Variants in FAM163A observed in about 807,000 individuals in gnomAD.
FAM163A encodes the protein protein FAM163A.
Under a neutral mutation model 12.0 loss-of-function variants are expected in FAM163A, and 7 were observed. That is an observed-to-expected ratio of 0.58 (90% CI 0.33 to 1.10). FAM163A has a LOEUF of 1.10. Among genes scored for constraint, FAM163A ranks in the 50% least tolerant of loss-of-function variants. FAM163A has a pLI of 0.03. For synonymous variants in FAM163A, 101 were observed against 91.0 expected, an observed-to-expected ratio of 1.11 and a Z score of -0.62; for missense variants, 202 against 218.6, an observed-to-expected ratio of 0.92 and a Z score of 0.48.
At chr1:179,762,825 G>T (rs1321485028) in intron 1 of FAM163A, among the ~76,000 whole-genome samples, 1 of 152,196 alleles carries the variant, frequency 6.6e-6, no homozygotes, top group African/African-American at 2.4e-5. Flanking sequence ...GCCTAGGAGA[G>T]AAATACTTCA....
At chr1:179,749,507 G>A (rs763359487) in intron 1 of FAM163A, among the ~76,000 whole-genome samples, 33 of 152,196 alleles carry the variant, frequency 2.2e-4, no homozygotes, top group Non-Finnish European at 2.6e-4. Context: ...TAAAACCCAT[G>A]GAAACTGTGG....
chr1:179,757,274 A>C (rs1041977626), intron 1 of FAM163A, among the ~76,000 whole-genome samples: 3 of 152,210 alleles, frequency 2.0e-5, no homozygotes, highest in African/African-American at 7.2e-5. Context: ...GGGAAAGCAC[A>C]GGCAGAGGGA....
At chr1:179,794,170 C>T (rs1204635004) in intron 1 of FAM163A, among the ~76,000 whole-genome samples, 1 of 152,206 alleles carries the variant, frequency 6.6e-6, no homozygotes, top group African/African-American at 2.4e-5. Flanking sequence ...TAGCTGCCTC[C>T]CTAGCCCATC....
chr1:179,792,998 G>C (rs1443373759), intron 1 of FAM163A, among the ~76,000 whole-genome samples: 2 of 151,598 alleles, frequency 1.3e-5, no homozygotes, highest in Admixed American at 6.6e-5. Context: ...AGGGATTAGT[G>C]GGGAAGAGAA....
intron 1 of FAM163A, among the ~76,000 whole-genome samples, chr1:179,795,194 G>T (rs1283267039): frequency 6.6e-6 from 1 of 152,226 alleles, no homozygotes; most frequent in African/African-American, 2.4e-5. Context: ...AGCCGGGCAT[G>T]ATGGCTCATG....
intron 1 of FAM163A, among the ~76,000 whole-genome samples, chr1:179,760,508 A>G (rs2454200): frequency 0.75 from 113,952 of 152,144 alleles, 43,064 homozygotes; most frequent in East Asian, 1. Context: ...TAATTAGCTA[A>G]CTAAGTAAAG....
chr1:179,735,569 T>A, the FAM163A span, among the ~76,000 whole-genome samples: 2 of 137,876 alleles, frequency 1.5e-5, no homozygotes, highest in African/African-American at 5.4e-5. Context: ...AGTGGTGTGA[T>A]CTCCACTCAC....
At chr1:179,773,257 T>C (rs1688506200) in intron 1 of FAM163A, among the ~76,000 whole-genome samples, 2 of 152,032 alleles carry the variant, frequency 1.3e-5, no homozygotes, top group African/African-American at 4.8e-5. Flanking sequence ...CCAGGGATCC[T>C]TATGATAGAA....
intron 1 of FAM163A, among the ~76,000 whole-genome samples, chr1:179,768,228 T>A (rs1687772969): frequency 6.6e-6 from 1 of 152,244 alleles, no homozygotes; most frequent in Non-Finnish European, 1.5e-5. Context: ...TTTAACTGTT[T>A]ATCTGTTGAT....
At chr1:179,776,028 G>A (rs58204878) in intron 1 of FAM163A, among the ~76,000 whole-genome samples, 27,021 of 152,076 alleles carry the variant, frequency 0.18, 2,935 homozygotes, top group African/African-American at 0.31. Flanking sequence ...GCATTAGGGA[G>A]ATTGTTACAT....
the FAM163A span, among the ~76,000 whole-genome samples, chr1:179,737,402 T>C: frequency 6.6e-6 from 1 of 152,224 alleles, no homozygotes; most frequent in African/African-American, 2.4e-5. Flanking sequence ...GTTTCAGTTA[T>C]ACAAGATGAA....
chr1:179,772,426 C>A (rs1433633934), intron 1 of FAM163A, among the ~76,000 whole-genome samples: 2 of 152,168 alleles, frequency 1.3e-5, no homozygotes, highest in Admixed American at 1.3e-4. Context: ...GCTGCCGAGT[C>A]CATTTAAAGT....
intron 1 of FAM163A, among the ~76,000 whole-genome samples, chr1:179,787,283 AC>A (rs1690769214): frequency 6.6e-6 from 1 of 152,100 alleles, no homozygotes; most frequent in African/African-American, 2.4e-5. Context: ...CACCCTAAAC[AC>A]ATCTATTCCT....
the FAM163A span, among the ~76,000 whole-genome samples, chr1:179,733,396 C>T: frequency 6.6e-6 from 1 of 152,068 alleles, no homozygotes; most frequent in Non-Finnish European, 1.5e-5. Context: ...CAAGAAATGA[C>T]TATAAAACAC....
chr1:179,758,117 GCTTCC>G (rs1686286442), intron 1 of FAM163A, among the ~76,000 whole-genome samples: 3 of 152,186 alleles, frequency 2.0e-5, no homozygotes, highest in Non-Finnish European at 4.4e-5. Context: ...ATCCTCTCCA[GCTTCC>G]AGATTCTGCT....
chr1:179,734,591 C>T, the FAM163A span, among the ~76,000 whole-genome samples: 1 of 152,160 alleles, frequency 6.6e-6, no homozygotes, highest in East Asian at 1.9e-4. Flanking sequence ...TTGCTGTGTC[C>T]TCACGTGCTG....
intron 1 of FAM163A, among the ~76,000 whole-genome samples, chr1:179,800,743 A>G (rs891441897): frequency 6.6e-6 from 1 of 152,222 alleles, no homozygotes; most frequent in Non-Finnish European, 1.5e-5. Context: ...AATGAGGGGA[A>G]TAACAGAGTT....
chr1:179,752,849 G>A (rs1181273451), intron 1 of FAM163A, among the ~76,000 whole-genome samples: 2 of 152,132 alleles, frequency 1.3e-5, no homozygotes, highest in African/African-American at 2.4e-5. Context: ...TTGTGGGGGG[G>A]ATGTAAAATG....
intron 1 of FAM163A, among the ~76,000 whole-genome samples, chr1:179,756,011 T>C (rs985593213): frequency 3.3e-5 from 5 of 152,216 alleles, no homozygotes; most frequent in Non-Finnish European, 7.3e-5. Flanking sequence ...AACCTTCTCT[T>C]AGCAGATGTG....
Sources: allele counts gnomAD v4.1 joint callset (sites outside exome capture counted in the v4.1 genomes callset), GRCh38; gene constraint gnomAD v4.1.1; transcripts MANE v1.5; gene names NCBI Gene and HGNC (gene_info 2026-07-23, HGNC 2026-07-21).